Variants in UBE2G1 observed in about 807,000 individuals in gnomAD.
UBE2G1 encodes ubiquitin conjugating enzyme E2 G1, also known as ubiquitin-conjugating enzyme E2 G1.
In UBE2G1, 5 loss-of-function variants were observed where a neutral mutation model predicts 22.7. The observed-to-expected ratio is 0.22, with a 90% confidence interval of 0.12 to 0.46. The LOEUF (loss-of-function observed/expected upper bound fraction) is 0.46. UBE2G1 is among the 20% of genes least tolerant of loss of function. UBE2G1 has a pLI of 0.99. For missense variants in UBE2G1, 88 were observed against 203.9 expected (o/e 0.43, Z 3.46); for synonymous variants, 74 against 67.5 (o/e 1.10, Z -0.47).
At chr17:4,319,569 T>C (rs1292736134) in intron 1 of UBE2G1, among the ~76,000 whole-genome samples, 1 of 152,068 alleles carries the variant, frequency 6.6e-6, no homozygotes, top group Non-Finnish European at 1.5e-5. Flanking sequence ...ACACCACCTC[T>C]ACAAAAAATA....
At chr17:4,304,627 G>A (rs1270512401) in intron 2 of UBE2G1, among the ~76,000 whole-genome samples, 1 of 152,084 alleles carries the variant, frequency 6.6e-6, no homozygotes, top group East Asian at 1.9e-4. Flanking sequence ...GACTACATGA[G>A]GGCTAATGAT....
At chr17:4,312,130 C>T (rs182932164) in intron 1 of UBE2G1, among the ~76,000 whole-genome samples, 1 of 151,508 alleles carries the variant, frequency 6.6e-6, no homozygotes, top group East Asian at 1.9e-4. Context: ...CCTGTAGTCC[C>T]AGCTACTTGG....
intron 2 of UBE2G1, chr17:4,301,460 T>G (rs920665485): frequency 1.3e-6 from 1 of 751,010 alleles, no homozygotes; most frequent in Admixed American, 1.8e-5. Flanking sequence ...TCAGCAGCTA[T>G]TTTTGCTATA....
chr17:4,352,476 T>C (rs760911704), intron 1 of UBE2G1, among the ~76,000 whole-genome samples: 1 of 152,232 alleles, frequency 6.6e-6, no homozygotes, highest in African/African-American at 2.4e-5. Flanking sequence ...TGAAACTTAG[T>C]ATTCTCTTTT....
chr17:4,354,430 G>C (rs373715622), intron 1 of UBE2G1, among the ~76,000 whole-genome samples: 15 of 152,034 alleles, frequency 9.9e-5, no homozygotes, highest in Non-Finnish European at 2.1e-4. Context: ...AGAACCCTCC[G>C]AAATTACATA....
At chr17:4,339,163 CT>C (rs1407967081) in intron 1 of UBE2G1, among the ~76,000 whole-genome samples, 1 of 152,028 alleles carries the variant, frequency 6.6e-6, no homozygotes, top group Non-Finnish European at 1.5e-5. Flanking sequence ...GAGATTAAAC[CT>C]GAGTTTGTGG....
chr17:4,342,061 T>C (rs987425780), intron 1 of UBE2G1, among the ~76,000 whole-genome samples: 20 of 152,354 alleles, frequency 1.3e-4, no homozygotes, highest in Admixed American at 3.9e-4. Context: ...GCAATCCATA[T>C]GCTAACAATT....
intron 1 of UBE2G1, among the ~76,000 whole-genome samples, chr17:4,327,296 C>CA (rs1017076655): frequency 3.3e-5 from 5 of 149,510 alleles, no homozygotes; most frequent in East Asian, 2.0e-4. Flanking sequence ...GACTCTGTCT[C>CA]AAAAAAAATA....
At chr17:4,364,726 C>G (rs564065816) in intron 1 of UBE2G1, among the ~76,000 whole-genome samples, 119 of 152,126 alleles carry the variant, frequency 7.8e-4, no homozygotes, top group Non-Finnish European at 1.0e-3. Context: ...ATTACAGGCG[C>G]CCTCCGCCAC....
intron 1 of UBE2G1, among the ~76,000 whole-genome samples, chr17:4,356,339 C>T (rs911373762): frequency 1.3e-5 from 2 of 151,338 alleles, no homozygotes; most frequent in African/African-American, 2.4e-5. Context: ...GCCTGGGCGA[C>T]AAGAGCGAAA....
chr17:4,339,251 G>A (rs532723077), intron 1 of UBE2G1, among the ~76,000 whole-genome samples: 6 of 151,880 alleles, frequency 4.0e-5, no homozygotes, highest in South Asian at 2.1e-4. Context: ...ATAGCATAGA[G>A]GTTAAGTGCC....
At chr17:4,345,971 C>G (rs1225739003) in intron 1 of UBE2G1, among the ~76,000 whole-genome samples, 1 of 152,200 alleles carries the variant, frequency 6.6e-6, no homozygotes, top group Non-Finnish European at 1.5e-5. Flanking sequence ...TTGAATAATT[C>G]AAGATTGCAC....
At chr17:4,358,527 C>T (rs1322507462) in intron 1 of UBE2G1, among the ~76,000 whole-genome samples, 2 of 152,002 alleles carry the variant, frequency 1.3e-5, no homozygotes, top group African/African-American at 2.4e-5. Flanking sequence ...ATGTGATTTG[C>T]AAATGTTCTT....
intron 3 of UBE2G1, 37 bp from the exon 4 acceptor site, chr17:4,289,445 C>G: frequency 1.4e-6 from 2 of 1,469,630 alleles, no homozygotes; most frequent in East Asian, 2.5e-5. Context: ...TCATATATTA[C>G]TAATTTGGTT....
At chr17:4,308,379 G>A (rs1282553081) in intron 1 of UBE2G1, among the ~76,000 whole-genome samples, 1 of 151,000 alleles carries the variant, frequency 6.6e-6, no homozygotes, top group Non-Finnish European at 1.5e-5. Context: ...AAATAAATTA[G>A]CTGGGCATGG....
intron 2 of UBE2G1, among the ~76,000 whole-genome samples, chr17:4,306,198 T>C (rs963791481): frequency 6.6e-6 from 1 of 152,186 alleles, no homozygotes; most frequent in Non-Finnish European, 1.5e-5. Flanking sequence ...TCTTGAAAGT[T>C]CTCCTTAGCC....
rs1336779058 is a variant in UBE2G1, at chr17:4,294,566, G to C, written c.247+2151C>G. ...TTGCTCTCTTTCTTTTTACCAGAAG[G>C]GAAGTCTCCCATGTATTTGCTTACA... is the stretch of plus-strand genomic sequence containing the variant. On this transcript the variant is annotated intron_variant, in intron 3 of 5. Transcript: ENST00000396981. 2.6e-5 allele frequency among the ~76,000 whole-genome samples: 4 copies of C among 152,036 alleles called. No individual in the cohort carries two copies. In the East Asian group the frequency reaches 7.7e-4, roughly 29 times the overall value.
chr17:4,307,308 G>T (rs1240520484), intron 1 of UBE2G1, among the ~76,000 whole-genome samples, 185 bp from the exon 2 acceptor site: 1 of 152,092 alleles, frequency 6.6e-6, no homozygotes, highest in African/African-American at 2.4e-5. Flanking sequence ...GAAAGCCCTG[G>T]GTAAAGCAAA....
chr17:4,303,902 T>C (rs1969219126), intron 2 of UBE2G1, among the ~76,000 whole-genome samples: 1 of 152,178 alleles, frequency 6.6e-6, no homozygotes, highest in Non-Finnish European at 1.5e-5. Flanking sequence ...GACATACTCC[T>C]TGAACAGACC....
Sources: allele counts gnomAD v4.1 joint callset (sites outside exome capture counted in the v4.1 genomes callset), GRCh38; gene constraint gnomAD v4.1.1; transcripts MANE v1.5; gene names NCBI Gene and HGNC (gene_info 2026-07-23, HGNC 2026-07-21).